The following CBLIF variants were observed in gnomAD, a reference collection of about 807,000 sequenced individuals.
CBLIF encodes gastric intrinsic factor (vitamin B synthesis).
CBLIF carries 24 observed loss-of-function variants against 44.9 expected under a neutral mutation model. The observed-to-expected ratio is 0.53, with a 90% CI of 0.39 to 0.75. The LOEUF is 0.75. Among genes scored for constraint, CBLIF ranks in the 30% least tolerant of loss-of-function variants. The pLI is 0.00. For synonymous variants in CBLIF, 183 were observed against 190.9 expected, an observed-to-expected ratio of 0.96 and a Z score of 0.34; for missense variants, 481 against 513.0, an observed-to-expected ratio of 0.94 and a Z score of 0.60.
rs751408388 is a variant in CBLIF, at chr11:59,842,463, T to G, written c.491A>C (p.Asn164Thr). The G allele has an allele frequency of 4.3e-5, 70 of 1,613,364 alleles. No individual in the cohort carries two copies. Among genetic ancestry groups the G allele is most frequent in the Non-Finnish European group, 5.9e-5 (70 of 1,179,974 alleles). ...CTCACCTACATTGAAGGGAGAGGAGTTGGCCAGCAGGGTCTTGGCAAAGCG... is the reference window on the plus strand; with the variant it reads ...CTCACCTACATTGAAGGGAGAGGAGGTGGCCAGCAGGGTCTTGGCAAAGCG... ...AVRFAKTLLANSSPFNVDTGA... is the reference protein window; with the variant it reads ...AVRFAKTLLATSSPFNVDTGA... Residue 164 changes from asparagine to threonine, a missense_variant, in exon 4 of 9, where the codon AAC becomes ACC. By Grantham distance (65) the Asn-to-Thr change is moderately conservative (BLOSUM62 0). Transcript: ENST00000257248.
At chr11:59,842,395 C>A in intron 4 of CBLIF, 48 bp downstream of exon 4, 1 of 1,604,864 alleles carries the variant, frequency 6.2e-7, no homozygotes, top group Non-Finnish European at 8.5e-7. Context: ...CCATTCAGTT[C>A]ACGATGCCTC....
chr11:59,842,531 T>G lies in CBLIF; in HGVS notation c.423A>C (p.Ala141=), dbSNP rs773366541. 6.2e-7 allele frequency: 1 copy of G among 1,613,932 alleles called. No individual in the cohort carries two copies. The highest frequency in any genetic ancestry group is 8.5e-7 in the Non-Finnish European group (1 of 1,179,994). ...TCGCCTCAGAGTTCTTCTGGCACAG[T>G]GCCAAGATCGCTAGACTGGGCCCAT... The part of the protein sequence containing the change: ...AFYGPSLAIL[A]LCQKNSEATL... The change falls in exon 4 of 9, where the codon GCA becomes GCC. Residue 141 remains alanine (A), a synonymous_variant. Coordinates refer to ENST00000257248, the MANE Select transcript of CBLIF (RefSeq NM_005142.3).
At chr11:59,829,637 C>T in intron 8 of CBLIF, 92 bp from the exon 9 acceptor site, 2 of 787,132 alleles carry the variant, frequency 2.5e-6, no homozygotes, top group Non-Finnish European at 4.6e-6. Context: ...TGCAGTGAAC[C>T]CATTAAATGT....
intron 3 of CBLIF, 80 bp downstream of exon 3, chr11:59,842,948 C>T (rs1487489983): frequency 3.4e-6 from 3 of 889,220 alleles, no homozygotes; most frequent in East Asian, 2.4e-5. Context: ...TCTCCACCCC[C>T]ACCCTTTTCC....
Position 59,843,973 on chromosome 11 carries a change from G to A in CBLIF, c.162C>T (p.Asn54=). 6.2e-7 allele frequency: 1 copy of A among 1,613,308 alleles called. No individual in the cohort carries two copies. The highest frequency in any genetic ancestry group is 8.5e-7 in the Non-Finnish European group (1 of 1,179,294). Residue 54 remains asparagine, a synonymous_variant, in exon 2 of 9, where the codon AAC becomes AAT. Coordinates refer to ENST00000257248, the MANE Select transcript of CBLIF (RefSeq NM_005142.3). The part of the protein sequence containing the change: ...ENSVTSSAYP[N]PSILIAMNLA... Reference sequence around the variant, plus strand: ...GATTCATGGCAATCAGGATGCTGGGGTTTGGGTAGGCTGATGAAGTCACCG... The same window carrying A: ...GATTCATGGCAATCAGGATGCTGGGATTTGGGTAGGCTGATGAAGTCACCG...
chr11:59,833,517 CA>C (rs111251888), intron 7 of CBLIF, among the ~76,000 whole-genome samples: 9,069 of 108,382 alleles, frequency 0.084, 733 homozygotes, highest in African/African-American at 0.24. Flanking sequence ...AACTCTGTCT[CA>C]AAAAAAAAAA....
At position 59,831,786 on chromosome 11, in the gene CBLIF, T is replaced by C. The variant is rs756665699; in HGVS notation, c.1084A>G (p.Thr362Ala). ...ACGACAAGGCCCCAAGATGTCATTG[T>C]GGTTTCAAATCTAAAAAAAAGTTTA... ...RKNPMFKFET[T>A]MTSWGLVVSS... Residue 362 changes from threonine (T) to alanine (A), a missense_variant, in exon 8 of 9, where the codon ACA (threonine) becomes GCA (alanine). Thr to Ala is a moderately conservative substitution (Grantham distance 58, BLOSUM62 0). Transcript: ENST00000257248. 1.0e-5 allele frequency: 16 copies of C among 1,573,210 alleles called. No homozygotes were observed. Among genetic ancestry groups the C allele is most frequent in the Non-Finnish European group, 1.4e-5 (16 of 1,142,862 alleles).
Position 59,829,528 on chromosome 11 carries a change from GT to G in CBLIF, c.1209del (p.Phe405SerfsTer37), listed in dbSNP as rs1866340404. 6.2e-7 allele frequency: 1 copy of G among 1,609,634 alleles called. No homozygotes were observed. The highest frequency in any genetic ancestry group is 8.5e-7 in the Non-Finnish European group (1 of 1,175,888). The stretch of plus-strand genomic sequence containing the variant: ...GCTGTGATGTGCTCGTGGTTGAAGG[GT>G]ATGTAGTCAGCAACCCCTGGAAATA... ...TPLNEGVADYIPFNHEHITAN... is the reference protein window; with the variant it reads ...TPLNEGVADYXPFNHEHITAN... On this transcript the variant is annotated frameshift_variant, in exon 9 of 9. Transcript: ENST00000257248. LOFTEE classifies it high-confidence loss of function.
chr11:59,833,570 G>C lies in CBLIF; in HGVS notation c.1074-1774C>G, dbSNP rs149044138. 6.8e-4 allele frequency among the ~76,000 whole-genome samples: 104 copies of C among 151,956 alleles called. No individual in the cohort carries two copies. The East Asian group carries it at 0.019, about 28-fold the overall frequency. On this transcript the variant is annotated intron_variant, in intron 7 of 8. Transcript: ENST00000257248. ...TGAAGTGCAATTTTTATCCTGACCT[G>C]TCTATGGAAGTTAGGGAAGTTATGG...
At chr11:59,835,527 C>T (rs967792392) in intron 7 of CBLIF, among the ~76,000 whole-genome samples, 2 of 152,202 alleles carry the variant, frequency 1.3e-5, no homozygotes, top group South Asian at 2.1e-4. Context: ...AGTACCTATT[C>T]TTTGTGTTTC....
intron 5 of CBLIF, among the ~76,000 whole-genome samples, chr11:59,837,563 A>G (rs1288447510): frequency 1.3e-5 from 2 of 152,246 alleles, no homozygotes; most frequent in African/African-American, 2.4e-5. Context: ...CAGCAGACAC[A>G]GAACTGTGCA....
intron 1 of CBLIF, among the ~76,000 whole-genome samples, chr11:59,844,686 C>G (rs1482877759): frequency 6.6e-6 from 1 of 152,076 alleles, no homozygotes; most frequent in Non-Finnish European, 1.5e-5. Context: ...TTTTTCCTTA[C>G]TCTTTCATGA....
At chr11:59,834,241 T>C (rs1357628624) in intron 7 of CBLIF, among the ~76,000 whole-genome samples, 1 of 71,494 alleles carries the variant, frequency 1.4e-5, no homozygotes, top group Non-Finnish European at 3.0e-5. Flanking sequence ...TTTCTTTCTT[T>C]TTCTTTCTTT....
Position 59,842,583 on chromosome 11 carries a change from C to T in CBLIF, c.371G>A (p.Ser124Asn). 3 of 1,613,748 alleles carry T rather than the reference C, an allele frequency of 1.9e-6. No individual in the cohort carries two copies. The highest frequency in any genetic ancestry group is 2.5e-6 in the Non-Finnish European group (3 of 1,179,728). The change falls in exon 4 of 9, where the codon AGC becomes AAC. Residue 124 changes from serine (S) to asparagine (N), a missense_variant and splice_region_variant. Transcript: ENST00000257248. ...QRQMENWAPS[S>N]PNAEASAFYG... ...GAAGGCTGATGCTTCAGCGTTGGGG[C>T]CTCCGAAGGGGATAGAGAACCTTCA...
Position 59,845,372 on chromosome 11 carries a change from C to T in CBLIF, c.79+3G>A, listed in dbSNP as rs146396839. ...GACCTCCTTGGAAAAACATCATACT[C>T]ACAGCATGAACTCTGGGTCTGGGTA... On this transcript the variant is annotated splice_donor_region_variant and intron_variant, in intron 1 of 8. Transcript: ENST00000257248. The T allele has an allele frequency of 8.3e-5, 133 of 1,608,092 alleles. No homozygotes were observed. In the Middle Eastern group the frequency reaches 1.8e-3, roughly 22 times the overall value.
chr11:59,835,525 T>C (rs1352413846), intron 7 of CBLIF, among the ~76,000 whole-genome samples: 1 of 152,210 alleles, frequency 6.6e-6, no homozygotes, highest in African/African-American at 2.4e-5. Flanking sequence ...ATAGTACCTA[T>C]TCTTTGTGTT....
chr11:59,837,113 C>A (rs1866465943), intron 6 of CBLIF, 61 bp downstream of exon 6: 2 of 1,271,404 alleles, frequency 1.6e-6, no homozygotes, highest in Non-Finnish European at 2.3e-6. Context: ...TAACATTGAT[C>A]CACATGTCAT....
chr11:59,842,636 C>T lies in CBLIF; in HGVS notation c.371-53G>A, dbSNP rs965028456. On this transcript the variant is annotated intron_variant, in intron 3 of 8. Coordinates refer to ENST00000257248, the MANE Select transcript of CBLIF (RefSeq NM_005142.3). ...AGACTCACAGTCACCACGATGAGGA[C>T]ATTTGCAAAGAAGGAAAAGCCAAGC... 23 of 1,578,672 alleles carry T rather than the reference C, an allele frequency of 1.5e-5. No homozygotes were observed. In the Admixed American group the frequency reaches 3.8e-4, roughly 26 times the overall value.
chr11:59,842,407 G>C (rs566207728), intron 4 of CBLIF, 36 bp downstream of exon 4: 46 of 1,610,822 alleles, frequency 2.9e-5, no homozygotes, highest in Non-Finnish European at 3.7e-5. Flanking sequence ...CGATGCCTCT[G>C]ATGTTCCCAG....
Sources: gnomAD v4.1 joint callset for allele counts (sites outside exome capture counted in the v4.1 genomes callset) on GRCh38, gnomAD v4.1.1 for gene constraint, MANE v1.5 for transcripts, NCBI Gene and HGNC (gene_info 2026-07-23, HGNC 2026-07-21) for gene names.